GLIS3: variants seen among roughly 807,000 people sequenced by gnomAD.
GLIS3 encodes the protein GLIS family zinc finger 3.
Under a neutral mutation model 78.6 loss-of-function variants are expected in GLIS3, and 53 were observed. That is an observed-to-expected ratio of 0.67 (90% CI 0.54 to 0.85). The LOEUF is 0.85. Ranked by LOEUF, GLIS3 falls within the 40% of genes least tolerant of loss-of-function variation. The pLI, the probability that GLIS3 is intolerant of heterozygous loss-of-function variation, is 0.00. For missense variants in GLIS3, 1,703 were observed against 1,231.1 expected (o/e 1.38, Z -5.74); for synonymous variants, 684 against 509.9 (o/e 1.34, Z -4.60).
upstream of GLIS3, among the ~76,000 whole-genome samples, chr9:4,301,185 TTTTTC>T (rs1046488228): frequency 6.6e-6 from 1 of 152,192 alleles, no homozygotes; most frequent in African/African-American, 2.4e-5. Flanking sequence ...TCCACAGTAC[TTTTTC>T]TTTTCTTTTC....
chr9:4,449,036 CA>C, the GLIS3 span, among the ~76,000 whole-genome samples: 1 of 152,144 alleles, frequency 6.6e-6, no homozygotes, highest in African/African-American at 2.4e-5. Flanking sequence ...CTGGGAGGCA[CA>C]AGGGGTCAGG....
chr9:3,968,743 A>T (rs976539081), intron 4 of GLIS3, among the ~76,000 whole-genome samples: 1 of 152,216 alleles, frequency 6.6e-6, no homozygotes, highest in Non-Finnish European at 1.5e-5. Context: ...GAACTCATGT[A>T]ACCACCATAG....
At chr9:4,485,045 A>C in the GLIS3 span, among the ~76,000 whole-genome samples, 1 of 150,216 alleles carries the variant, frequency 6.7e-6, no homozygotes, top group African/African-American at 2.5e-5. Flanking sequence ...ACAGGGTTTC[A>C]CTCCCGTCGA....
At chr9:4,136,411 G>C (rs1833412815) in intron 2 of GLIS3, among the ~76,000 whole-genome samples, 1 of 152,192 alleles carries the variant, frequency 6.6e-6, no homozygotes, top group African/African-American at 2.4e-5. Flanking sequence ...TGGCCTCATG[G>C]AGATGTCCAC....
chr9:4,341,556 T>C (rs996865319), intron 2 of GLIS3, among the ~76,000 whole-genome samples: 1 of 152,222 alleles, frequency 6.6e-6, no homozygotes, highest in Non-Finnish European at 1.5e-5. Flanking sequence ...TTCTCTTCTG[T>C]CCTCAGACCC....
At chr9:4,222,754 G>C (rs1294619364) in intron 2 of GLIS3, among the ~76,000 whole-genome samples, 1 of 152,178 alleles carries the variant, frequency 6.6e-6, no homozygotes, top group Non-Finnish European at 1.5e-5. Flanking sequence ...TACTTTAACT[G>C]TGGGCTCGCA....
rs35583742 is a variant in GLIS3 at position 4,321,421 on chromosome 9, C to CAAAAAAAAAAAAAAAAAAAAA, written n.265-10914_265-10894dup. Among the ~76,000 whole-genome samples the CAAAAAAAAAAAAAAAAAAAAA allele has an allele frequency of 4.3e-4, 7 of 16,304 alleles. 1 individual carries two copies. The highest frequency in any genetic ancestry group is 5.5e-4 in the Non-Finnish European group (5 of 9,156). The allele number at this position is 16,304 out of a possible 152,430, so 10.7% of individuals were successfully genotyped here. A position where few individuals can be genotyped will look rare whatever the true frequency, so the allele number is the denominator to read the frequency against. On this transcript the variant is annotated intron_variant and non_coding_transcript_variant, in intron 2 of 4. Transcript: ENST00000471664. ...TGGGCCACAGAGCTAGACTCCGTCT[C>CAAAAAAAAAAAAAAAAAAAAA]AAAAAAAAAAAAAAAAAAAAAAAAA...
At chr9:4,167,722 C>T (rs1022859256) in intron 2 of GLIS3, among the ~76,000 whole-genome samples, 6 of 152,230 alleles carry the variant, frequency 3.9e-5, no homozygotes, top group African/African-American at 1.4e-4. Flanking sequence ...AGCTCACTCA[C>T]GTTCCTTTCA....
Position 4,162,854 on chromosome 9 carries a change from CAAAAAAA to C in GLIS3, c.389-36920_389-36914del, listed in dbSNP as rs35310357. ...CCCGGGCGACAGAGTCTCGCTCTGTCAAAAAAAAAAAAAAAAAAAAAAAAAAATCAAT... is the reference window on the plus strand; with the variant it reads ...CCCGGGCGACAGAGTCTCGCTCTGTCAAAAAAAAAAAAAAAAAAAATCAAT... On this transcript the variant is annotated intron_variant, in intron 2 of 10. Coordinates refer to ENST00000381971, the MANE Select transcript of GLIS3 (RefSeq NM_001042413.2). Among the ~76,000 whole-genome samples, 11 of 73,858 alleles carry C rather than the reference CAAAAAAA, an allele frequency of 1.5e-4. 1 individual carries two copies. The highest frequency in any genetic ancestry group is 2.7e-4 in the African/African-American group (5 of 18,674). 48.5% of individuals were successfully genotyped at this position (73,858 alleles called of 152,430 possible).
chr9:4,426,823 T>C, the GLIS3 span, among the ~76,000 whole-genome samples: 2 of 152,148 alleles, frequency 1.3e-5, no homozygotes, highest in African/African-American at 4.8e-5. Context: ...CTTCACAGAG[T>C]TGTGTAAGGA....
chr9:4,180,849 G>C (rs950983654), intron 2 of GLIS3, among the ~76,000 whole-genome samples: 2 of 152,138 alleles, frequency 1.3e-5, no homozygotes, highest in African/African-American at 4.8e-5. Flanking sequence ...AACTGGTTTT[G>C]CTCCGATCCA....
intron 6 of GLIS3, among the ~76,000 whole-genome samples, chr9:3,931,119 G>A (rs1430430813): frequency 6.6e-6 from 1 of 151,952 alleles, no homozygotes; most frequent in Non-Finnish European, 1.5e-5. Context: ...TACATTTCTA[G>A]GAAAAAAATG....
intron 6 of GLIS3, among the ~76,000 whole-genome samples, chr9:3,899,154 T>A (rs1236719008): frequency 6.6e-6 from 1 of 152,188 alleles, no homozygotes; most frequent in African/African-American, 2.4e-5. Context: ...CTTGTAACGA[T>A]AACAACAACA....
At chr9:4,475,862 C>G in the GLIS3 span, among the ~76,000 whole-genome samples, 1 of 152,220 alleles carries the variant, frequency 6.6e-6, no homozygotes, top group African/African-American at 2.4e-5. Flanking sequence ...AGAAGAGAGT[C>G]GTTGGATATT....
At chr9:4,067,701 C>G (rs894693336) in intron 4 of GLIS3, among the ~76,000 whole-genome samples, 6 of 151,408 alleles carry the variant, frequency 4.0e-5, no homozygotes, top group Non-Finnish European at 2.9e-5. Context: ...ACAGATTTGC[C>G]AAATTTAAAA....
intron 2 of GLIS3, among the ~76,000 whole-genome samples, chr9:4,245,492 G>A (rs16920983): frequency 0.015 from 2,295 of 152,188 alleles, 36 homozygotes; most frequent in Admixed American, 0.028. Flanking sequence ...AGGAAACAAC[G>A]TAGACAATAT....
intron 2 of GLIS3, among the ~76,000 whole-genome samples, chr9:4,218,159 T>A (rs1821016932): frequency 6.6e-6 from 1 of 152,244 alleles, no homozygotes; most frequent in South Asian, 2.1e-4. Context: ...ATTTGTCTCC[T>A]CCTTTCTGCT....
chr9:3,928,021 G>T (rs1448418636), intron 6 of GLIS3, among the ~76,000 whole-genome samples: 1 of 152,228 alleles, frequency 6.6e-6, no homozygotes, highest in African/African-American at 2.4e-5. Flanking sequence ...ATTCAGGTAT[G>T]TCTCACCATC....
intron 9 of GLIS3, among the ~76,000 whole-genome samples, chr9:3,850,765 C>T (rs1819379654): frequency 6.6e-6 from 1 of 152,212 alleles, no homozygotes. Context: ...AACCTGTGTA[C>T]TCCAGCCATC....
Sources: gnomAD v4.1 joint callset for allele counts (sites outside exome capture counted in the v4.1 genomes callset) on GRCh38, gnomAD v4.1.1 for gene constraint, MANE v1.5 for transcripts, NCBI Gene and HGNC (gene_info 2026-07-23, HGNC 2026-07-21) for gene names.